Variants in EFCAB11 observed in about 807,000 individuals in gnomAD.
EFCAB11 encodes EF-hand calcium binding domain 11.
In EFCAB11, 14 loss-of-function variants were observed where a neutral mutation model predicts 23.0. The observed-to-expected ratio is 0.61, with a 90% confidence interval of 0.40 to 0.95. The LOEUF (loss-of-function observed/expected upper bound fraction) is 0.95, where lower values mean the gene tolerates loss of function less well. Among genes scored for constraint, EFCAB11 ranks in the 40% least tolerant of loss-of-function variants. EFCAB11 has a pLI of 0.00. For synonymous variants in EFCAB11, 65 were observed against 66.6 expected (o/e 0.98, Z 0.11); for missense variants, 198 against 195.8 (o/e 1.01, Z -0.07).
At chr14:89,889,872 C>G (rs1387845187) in intron 5 of EFCAB11, among the ~76,000 whole-genome samples, 1 of 152,236 alleles carries the variant, frequency 6.6e-6, no homozygotes, top group Non-Finnish European at 1.5e-5. Flanking sequence ...AAACTGGCAT[C>G]TGGTTTCCCC....
At chr14:89,854,867 C>T (rs1398886506) in intron 5 of EFCAB11, among the ~76,000 whole-genome samples, 2 of 152,186 alleles carry the variant, frequency 1.3e-5, no homozygotes, top group African/African-American at 4.8e-5. Flanking sequence ...TCTTCCACCA[C>T]TACTTTAGCT....
At chr14:89,944,836 T>C (rs1890908655) in intron 3 of EFCAB11, among the ~76,000 whole-genome samples, 2 of 151,138 alleles carry the variant, frequency 1.3e-5, no homozygotes, top group Admixed American at 6.6e-5. Context: ...ACATAAAGTG[T>C]ATTAGATTTT....
chr14:89,800,685 G>C (rs1228851146), intron 5 of EFCAB11, among the ~76,000 whole-genome samples: 1 of 152,062 alleles, frequency 6.6e-6, no homozygotes, highest in Non-Finnish European at 1.5e-5. Flanking sequence ...AGGCTTTTTT[G>C]GTGTGTTTGT....
chr14:89,882,634 C>T lies in EFCAB11; in HGVS notation c.410+48907G>A, dbSNP rs75079145. 3.5e-3 allele frequency among the ~76,000 whole-genome samples: 526 copies of T among 152,278 alleles called. 7 individuals are homozygous for T. The highest frequency in any genetic ancestry group is 0.027 in the Admixed American group (412 of 15,298). ...AGCAATGATGGGAAATACCGATTTC[C>T]TACAGAGTGTACCTTCTTTGAATTT... is the stretch of plus-strand genomic sequence containing the variant. On this transcript the variant is annotated intron_variant, in intron 5 of 5. Coordinates refer to ENST00000316738, the MANE Select transcript of EFCAB11 (RefSeq NM_145231.4).
chr14:89,811,031 G>A (rs1382960340), intron 5 of EFCAB11, among the ~76,000 whole-genome samples: 2 of 152,020 alleles, frequency 1.3e-5, no homozygotes, highest in African/African-American at 2.4e-5. Context: ...ACATAGGGGC[G>A]AGAACTGGGC....
intron 5 of EFCAB11, among the ~76,000 whole-genome samples, chr14:89,799,691 T>C (rs1052622285): frequency 1.3e-5 from 2 of 151,782 alleles, no homozygotes; most frequent in African/African-American, 2.4e-5. Flanking sequence ...AAAGAAACTT[T>C]AGGAGGGCAA....
rs367898287 is a variant in EFCAB11, at chr14:89,932,617, G to C, written c.228C>G (p.Leu76=). 3.7e-6 allele frequency: 6 copies of C among 1,612,756 alleles called. No homozygotes were observed. The highest frequency in any genetic ancestry group is 4.5e-5 in the East Asian group (2 of 44,802). Residue 76 remains leucine, a synonymous_variant, in exon 4 of 6, where the codon CTC becomes CTG. Coordinates refer to ENST00000316738, the MANE Select transcript of EFCAB11 (RefSeq NM_145231.4). ...TCCTGACAATATTTAAAAACCCCTC[G>C]AGTAATATACCTAAAAGTTGGGGAA... ...SINPNTSGIL[L]EGFLNIVRKK... is the part of the protein sequence containing the mutation.
At chr14:89,871,447 T>C (rs904329085) in intron 5 of EFCAB11, among the ~76,000 whole-genome samples, 2 of 152,178 alleles carry the variant, frequency 1.3e-5, no homozygotes, top group African/African-American at 4.8e-5. Flanking sequence ...ACCACCTCAT[T>C]GGTGAGGAAG....
intron 5 of EFCAB11, among the ~76,000 whole-genome samples, chr14:89,838,457 A>C (rs1566778958): frequency 6.6e-6 from 1 of 151,620 alleles, no homozygotes; most frequent in Admixed American, 6.6e-5. Flanking sequence ...AAAAAAAACC[A>C]AAAAAACCCT....
intron 5 of EFCAB11, among the ~76,000 whole-genome samples, chr14:89,908,809 G>A (rs563764259): frequency 6.6e-6 from 1 of 152,278 alleles, no homozygotes; most frequent in African/African-American, 2.4e-5. Flanking sequence ...GGAAAAGAGA[G>A]GGATTCCCTC....
At chr14:89,867,601 C>G (rs549829724) in intron 5 of EFCAB11, among the ~76,000 whole-genome samples, 54 of 152,162 alleles carry the variant, frequency 3.5e-4, no homozygotes, top group Non-Finnish European at 6.2e-4. Context: ...CTTTATCCTA[C>G]GTGCTAAATA....
intron 5 of EFCAB11, among the ~76,000 whole-genome samples, chr14:89,850,702 C>A (rs1887577568): frequency 6.6e-6 from 1 of 152,132 alleles, no homozygotes. Context: ...GAATCAATAA[C>A]CAATCTTGTC....
chr14:89,883,051 T>C (rs905491513), intron 5 of EFCAB11, among the ~76,000 whole-genome samples: 1 of 152,044 alleles, frequency 6.6e-6, no homozygotes, highest in Non-Finnish European at 1.5e-5. Context: ...CAGCTCCCCT[T>C]TGCCTTCCAC....
chr14:89,936,836 T>C (rs1890602229), intron 3 of EFCAB11, among the ~76,000 whole-genome samples: 1 of 152,102 alleles, frequency 6.6e-6, no homozygotes, highest in African/African-American at 2.4e-5. Context: ...AACCTAGAAA[T>C]AGAGTTCCTA....
intron 5 of EFCAB11, among the ~76,000 whole-genome samples, chr14:89,797,988 C>G (rs1347071221): frequency 6.6e-6 from 1 of 152,136 alleles, no homozygotes; most frequent in African/African-American, 2.4e-5. Flanking sequence ...GTGGTCCCAA[C>G]TCCTCTTTGG....
At chr14:89,933,917 T>A (rs1344011994) in intron 3 of EFCAB11, among the ~76,000 whole-genome samples, 1 of 152,090 alleles carries the variant, frequency 6.6e-6, no homozygotes, top group East Asian at 1.9e-4. Flanking sequence ...CATGAGACAA[T>A]ACCAACTGCC....
intron 5 of EFCAB11, among the ~76,000 whole-genome samples, chr14:89,930,262 T>C (rs1890344360): frequency 6.6e-6 from 1 of 152,232 alleles, no homozygotes; most frequent in African/African-American, 2.4e-5. Flanking sequence ...CAAATCTTCA[T>C]TCAAATAACC....
At chr14:89,895,150 G>A (rs1453445358) in intron 5 of EFCAB11, among the ~76,000 whole-genome samples, 2 of 152,118 alleles carry the variant, frequency 1.3e-5, no homozygotes, top group Non-Finnish European at 2.9e-5. Context: ...TGGCATATAA[G>A]AAATACAGCG....
chr14:89,840,771 C>A (rs887364008), intron 5 of EFCAB11, among the ~76,000 whole-genome samples: 2 of 147,948 alleles, frequency 1.4e-5, no homozygotes, highest in African/African-American at 4.9e-5. Context: ...GAAGATTTAA[C>A]CTGGTGAACA....
Sources: gnomAD v4.1 joint callset for allele counts (sites outside exome capture counted in the v4.1 genomes callset) on GRCh38, gnomAD v4.1.1 for gene constraint, MANE v1.5 for transcripts, NCBI Gene and HGNC (gene_info 2026-07-23, HGNC 2026-07-21) for gene names.